Variants in PAG1 observed in about 807,000 individuals in gnomAD.
PAG1 encodes phosphoprotein associated with glycosphingolipid-enriched microdomains 1.
In PAG1, 23 loss-of-function variants were observed where a neutral mutation model predicts 31.7. That is an observed-to-expected ratio of 0.73 (90% CI 0.52 to 1.03). PAG1 has a LOEUF of 1.03. PAG1 is among the 50% of genes least tolerant of loss of function. The pLI, the probability that PAG1 is intolerant of heterozygous loss-of-function variation, is 0.00. For synonymous variants in PAG1, 214 were observed against 210.3 expected, an observed-to-expected ratio of 1.02 and a Z score of -0.15; for missense variants, 473 against 540.7, an observed-to-expected ratio of 0.87 and a Z score of 1.24.
At chr8:80,981,609 C>T (rs1028446251) in intron 7 of PAG1, among the ~76,000 whole-genome samples, 3 of 152,058 alleles carry the variant, frequency 2.0e-5, no homozygotes, top group African/African-American at 7.2e-5. Flanking sequence ...TTAGCCCCAC[C>T]CTCAGCCTCT....
chr8:81,091,843 GA>G (rs900140184), intron 1 of PAG1, among the ~76,000 whole-genome samples: 5 of 140,942 alleles, frequency 3.5e-5, no homozygotes, highest in Admixed American at 6.9e-5. Flanking sequence ...AGAAGAAGAA[GA>G]AAAAAAAACA....
intron 1 of PAG1, among the ~76,000 whole-genome samples, chr8:81,109,919 T>C (rs551240505): frequency 2.6e-5 from 4 of 152,330 alleles, no homozygotes; most frequent in African/African-American, 7.2e-5. Context: ...AATGGGTCAA[T>C]CTGTTTGAGA....
chr8:81,050,569 T>G (rs1808711911), intron 2 of PAG1, among the ~76,000 whole-genome samples: 1 of 152,116 alleles, frequency 6.6e-6, no homozygotes, highest in African/African-American at 2.4e-5. Context: ...GACCAAAGCT[T>G]AGTCCTGAAA....
At chr8:81,013,962 G>C (rs933709895) in intron 3 of PAG1, among the ~76,000 whole-genome samples, 1 of 152,056 alleles carries the variant, frequency 6.6e-6, no homozygotes, top group Non-Finnish European at 1.5e-5. Flanking sequence ...GAATGTTCAG[G>C]GATCTCTGAG....
chr8:81,021,449 T>A (rs577743265), intron 3 of PAG1, among the ~76,000 whole-genome samples: 15 of 147,412 alleles, frequency 1.0e-4, no homozygotes, highest in Admixed American at 2.1e-4. Context: ...GGTTCCAGGA[T>A]CCCATCTAGG....
intron 1 of PAG1, among the ~76,000 whole-genome samples, chr8:81,103,154 GAAAA>G (rs34583693): frequency 8.1e-5 from 5 of 61,438 alleles, no homozygotes; most frequent in Non-Finnish European, 1.4e-4. Context: ...CATTTTGTGG[GAAAA>G]AAAAAAAAAA....
At chr8:81,030,256 C>G (rs569936342) in intron 2 of PAG1, among the ~76,000 whole-genome samples, 167 bp from the exon 3 acceptor site, 24 of 152,178 alleles carry the variant, frequency 1.6e-4, no homozygotes, top group Non-Finnish European at 3.2e-4. Flanking sequence ...AGAGGCACAA[C>G]TATAGACAGT....
intron 1 of PAG1, among the ~76,000 whole-genome samples, chr8:81,101,327 T>G (rs1809607115): frequency 6.6e-6 from 1 of 152,300 alleles, no homozygotes; most frequent in East Asian, 1.9e-4. Flanking sequence ...GACCACTACA[T>G]AATAAAGCAA....
intron 2 of PAG1, among the ~76,000 whole-genome samples, chr8:81,041,708 C>G (rs16908423): frequency 0.062 from 9,507 of 152,162 alleles, 489 homozygotes; most frequent in African/African-American, 0.15. Context: ...AGATGGAGAA[C>G]CTCAGGATTG....
At chr8:81,078,419 T>C (rs1245681207) in intron 1 of PAG1, among the ~76,000 whole-genome samples, 1 of 151,272 alleles carries the variant, frequency 6.6e-6, no homozygotes, top group African/African-American at 2.4e-5. Flanking sequence ...CAGATGTACT[T>C]AGAAAATGAG....
At chr8:81,006,206 G>A (rs1381539142) in intron 3 of PAG1, among the ~76,000 whole-genome samples, 1 of 151,906 alleles carries the variant, frequency 6.6e-6, no homozygotes, top group Non-Finnish European at 1.5e-5. Flanking sequence ...GCCTCCCAAA[G>A]TGCTGGGATT....
At chr8:81,055,010 T>C (rs1267012746) in intron 2 of PAG1, among the ~76,000 whole-genome samples, 3 of 152,066 alleles carry the variant, frequency 2.0e-5, no homozygotes, top group Non-Finnish European at 4.4e-5. Flanking sequence ...CAGGATACAA[T>C]GACTAAGCCA....
chr8:81,046,715 T>C (rs1414973253), intron 2 of PAG1, among the ~76,000 whole-genome samples: 3 of 152,172 alleles, frequency 2.0e-5, no homozygotes, highest in Admixed American at 6.5e-5. Flanking sequence ...CAGGGATACA[T>C]GTGCAGGATG....
At chr8:80,976,979 C>T (rs1368331208) in intron 8 of PAG1, 73 bp from the exon 9 acceptor site, 2 of 1,399,118 alleles carry the variant, frequency 1.4e-6, no homozygotes, top group African/African-American at 2.9e-5. Context: ...TGACAAGCTA[C>T]ATACTGAGCA....
chr8:81,098,212 A>C (rs151188675), intron 1 of PAG1, among the ~76,000 whole-genome samples: 1,846 of 152,328 alleles, frequency 0.012, 48 homozygotes, highest in African/African-American at 0.042. Flanking sequence ...ATTAAAACAG[A>C]CGTGAAATTT....
intron 1 of PAG1, among the ~76,000 whole-genome samples, chr8:81,099,939 C>T (rs1425945958): frequency 6.6e-6 from 1 of 152,198 alleles, no homozygotes; most frequent in African/African-American, 2.4e-5. Context: ...TTTATGTCAA[C>T]ACCTTCCCTT....
At chr8:81,086,849 G>C (rs2131042971) in intron 1 of PAG1, among the ~76,000 whole-genome samples, 1 of 152,216 alleles carries the variant, frequency 6.6e-6, no homozygotes, top group Admixed American at 6.5e-5. Flanking sequence ...GAGGTGCATT[G>C]GGGTACTCTC....
chr8:80,986,551 T>C (rs892438131), intron 6 of PAG1, among the ~76,000 whole-genome samples: 6 of 152,186 alleles, frequency 3.9e-5, no homozygotes, highest in Non-Finnish European at 5.9e-5. Flanking sequence ...TGGTTCCAAC[T>C]ACAGATCCTT....
At chr8:81,081,351 T>G (rs1444434332) in intron 1 of PAG1, among the ~76,000 whole-genome samples, 2 of 152,274 alleles carry the variant, frequency 1.3e-5, no homozygotes, top group South Asian at 2.1e-4. Context: ...AAGTTATTTT[T>G]TAAATTAAAT....
Sources: gnomAD v4.1 joint callset for allele counts (sites outside exome capture counted in the v4.1 genomes callset) on GRCh38, gnomAD v4.1.1 for gene constraint, MANE v1.5 for transcripts, NCBI Gene and HGNC (gene_info 2026-07-23, HGNC 2026-07-21) for gene names.